The following SLC8B1 variants were observed in gnomAD, a reference collection of about 807,000 sequenced individuals.
SLC8B1 encodes the protein solute carrier family 8 member B1.
In SLC8B1, 52 loss-of-function variants were observed where a neutral mutation model predicts 63.4. That is an observed-to-expected ratio of 0.82 (90% CI 0.66 to 1.03). SLC8B1 has a LOEUF of 1.03. Ranked by LOEUF, SLC8B1 falls within the 50% of genes least tolerant of loss-of-function variation. The pLI, the probability that SLC8B1 is intolerant of heterozygous loss-of-function variation, is 0.00. For synonymous variants in SLC8B1, 336 were observed against 323.9 expected (o/e 1.04, Z -0.40); for missense variants, 657 against 741.7 (o/e 0.89, Z 1.33).
intron 15 of SLC8B1, among the ~76,000 whole-genome samples, chr12:113,300,498 T>TAACAACAAC (rs959168970): frequency 6.6e-6 from 1 of 150,890 alleles, no homozygotes; most frequent in African/African-American, 2.4e-5. Context: ...ATAAATAAAA[T>TAACAACAAC]AACAACAACA....
chr12:113,309,796 A>G (rs1956730518), intron 12 of SLC8B1, among the ~76,000 whole-genome samples: 1 of 152,068 alleles, frequency 6.6e-6, no homozygotes, highest in Non-Finnish European at 1.5e-5. Flanking sequence ...CTATTTATAT[A>G]AAATGTCCAT....
chr12:113,323,603 G>C (rs1049064247), intron 2 of SLC8B1, among the ~76,000 whole-genome samples: 1 of 152,096 alleles, frequency 6.6e-6, no homozygotes, highest in Non-Finnish European at 1.5e-5. Flanking sequence ...CAGCTACTCA[G>C]GAGGCTGAAG....
In SLC8B1 at chr12:113,327,204, G is replaced by A. The variant is rs531694624; in HGVS notation, c.156+5519C>T. Among the ~76,000 whole-genome samples the A allele has an allele frequency of 3.9e-5, 6 of 152,200 alleles. 1 individual carries two copies. The highest frequency in any genetic ancestry group is 7.2e-5 in the African/African-American group (3 of 41,530). ...CTAGATGGGGGCCAGGGAAGCAGGC[G>A]GGCTGCCATTTCCTCCTCTGGGAGG... On this transcript the variant is annotated intron_variant, in intron 2 of 15. Coordinates refer to ENST00000680972, the MANE Select transcript of SLC8B1 (RefSeq NM_001358345.2).
intron 14 of SLC8B1, among the ~76,000 whole-genome samples, chr12:113,304,776 A>AT (rs755485139): frequency 6.6e-6 from 1 of 151,996 alleles, no homozygotes. Context: ...TAATTTTTTA[A>AT]TTTTTCTGTA....
At chr12:113,334,188 T>C (rs1343143637) in intron 1 of SLC8B1, among the ~76,000 whole-genome samples, 1 of 152,170 alleles carries the variant, frequency 6.6e-6, no homozygotes, top group Admixed American at 6.5e-5. Flanking sequence ...CCAAAATGGC[T>C]TCAATATATT....
chr12:113,299,632 A>G lies in SLC8B1; in HGVS notation c.*145T>C, dbSNP rs1002473030. On this transcript the variant is annotated 3_prime_UTR_variant, in exon 16 of 16. Coordinates refer to ENST00000680972, the MANE Select transcript of SLC8B1 (RefSeq NM_001358345.2). ...GTACACAGCAGTTCTCCCAGCTCAC[A>G]GCAGTGACCTCAGATCTCCAGCAGC... The G allele has an allele frequency of 1.9e-5, 14 of 735,100 alleles. No homozygotes were observed. In the Admixed American group the frequency reaches 2.1e-4, roughly 11 times the overall value. The allele number at this position is 735,100 out of a possible 1,614,324, so 45.5% of individuals were successfully genotyped here.
chr12:113,299,673 G>A lies in SLC8B1; in HGVS notation c.*104C>T, dbSNP rs757609391. The A allele has an allele frequency of 1.0e-4, 116 of 1,122,076 alleles. No individual in the cohort carries two copies. The highest frequency in any genetic ancestry group is 1.4e-4 in the Non-Finnish European group (109 of 751,966). 69.5% of individuals were successfully genotyped at this position (1,122,076 alleles called of 1,614,324 possible). A position where few individuals can be genotyped will look rare whatever the true frequency, so the allele number is the denominator to read the frequency against. ...CTCCAGCAGCAAGGGCCGCACTCTC[G>A]TGCCCACAAGGGCCTTGCAGAAATG... On this transcript the variant is annotated 3_prime_UTR_variant, in exon 16 of 16. Transcript: ENST00000680972.
intron 12 of SLC8B1, among the ~76,000 whole-genome samples, chr12:113,309,196 G>A (rs573911962): frequency 9.9e-5 from 14 of 141,606 alleles, no homozygotes; most frequent in Non-Finnish European, 1.8e-4. Flanking sequence ...TTTTTGAAAC[G>A]GAGTCTCTGT....
intron 11 of SLC8B1, among the ~76,000 whole-genome samples, chr12:113,311,565 G>C (rs954266945): frequency 1.3e-5 from 2 of 151,738 alleles, no homozygotes; most frequent in African/African-American, 2.4e-5. Context: ...CGGTTGCAGT[G>C]AACCTAAATT....
chr12:113,316,819 A>G, intron 9 of SLC8B1, 123 bp downstream of exon 9: 1 of 1,473,778 alleles, frequency 6.8e-7, no homozygotes, highest in East Asian at 2.3e-5. Context: ...CCTGAGCTGC[A>G]GTGAGAGGTG....
intron 15 of SLC8B1, among the ~76,000 whole-genome samples, chr12:113,303,067 CACGT>C (rs1566222354): frequency 2.4e-4 from 30 of 125,332 alleles, no homozygotes; most frequent in Admixed American, 1.1e-3. Context: ...CACACACACA[CACGT>C]ACACACACAC....
chr12:113,320,585 C>T lies in SLC8B1; in HGVS notation c.522G>A (p.Leu174=), dbSNP rs150413955. ...PHTAGLALGA[L]FGAGVLVTTV... is the part of the protein sequence containing the mutation. Reference sequence around the variant, plus strand: ...CCTCACTGGGGCTGCTCTCACCAAACAGTGCCCCAAGGGCCAGGCCGGCTG... The same window carrying T: ...CCTCACTGGGGCTGCTCTCACCAAATAGTGCCCCAAGGGCCAGGCCGGCTG... Residue 174 remains leucine (L), a synonymous_variant, in exon 6 of 16, where the codon CTG becomes CTA. Coordinates refer to ENST00000680972, the MANE Select transcript of SLC8B1 (RefSeq NM_001358345.2). The surrounding 1 kb of genome is among the most constrained non-coding windows in gnomAD (Gnocchi z 5.3). 39 of 1,613,974 alleles carry T rather than the reference C, an allele frequency of 2.4e-5. No individual in the cohort carries two copies. Among genetic ancestry groups the T allele is most frequent in the Non-Finnish European group, 2.8e-5 (33 of 1,180,028 alleles).
chr12:113,332,010 C>A (rs760114997), intron 2 of SLC8B1, among the ~76,000 whole-genome samples: 1 of 152,130 alleles, frequency 6.6e-6, no homozygotes, highest in South Asian at 2.1e-4. Flanking sequence ...CCTGCTGTTA[C>A]GGGAACACAC....
chr12:113,304,521 C>T (rs926338289), intron 14 of SLC8B1, 136 bp from the exon 15 acceptor site: 3 of 704,926 alleles, frequency 4.3e-6, no homozygotes, highest in East Asian at 2.9e-5. Flanking sequence ...CGCAGTGGCT[C>T]ATGCCTGTAA....
rs1956908869 is a variant in SLC8B1, at chr12:113,320,512, G to A, written c.527-14C>T. 1.9e-6 allele frequency: 3 copies of A among 1,613,808 alleles called. No homozygotes were observed. The highest frequency in any genetic ancestry group is 2.5e-6 in the Non-Finnish European group (3 of 1,179,996). On this transcript the variant is annotated splice_polypyrimidine_tract_variant and intron_variant, in intron 6 of 15. Coordinates refer to ENST00000680972, the MANE Select transcript of SLC8B1 (RefSeq NM_001358345.2). The surrounding 1 kb of genome is among the most constrained non-coding windows in gnomAD (Gnocchi z 5.3). ...GCACGCCAGCGCCTGGGGGGAGGAG[G>A]CCAGAGCTCAGCCACCCTGCACCCT...
intron 13 of SLC8B1, 39 bp downstream of exon 13, chr12:113,307,652 G>A (rs749548420): frequency 3.8e-6 from 6 of 1,595,784 alleles, no homozygotes; most frequent in African/African-American, 1.3e-5. Context: ...AGATGTGGCC[G>A]CACTCACCCC....
chr12:113,302,257 G>A (rs914036454), intron 15 of SLC8B1: 1 of 166,280 alleles, frequency 6.0e-6, no homozygotes, highest in Admixed American at 5.9e-5. Flanking sequence ...GAGAGAGATG[G>A]CCATGGGAAC....
At chr12:113,329,322 T>G (rs949804415) in intron 2 of SLC8B1, among the ~76,000 whole-genome samples, 7 of 152,184 alleles carry the variant, frequency 4.6e-5, no homozygotes, top group Non-Finnish European at 8.8e-5. Flanking sequence ...AGTTACTCGC[T>G]GAAGCTCCTG....
intron 12 of SLC8B1, chr12:113,308,082 AC>A (rs112368452): frequency 0.2 from 84,706 of 426,214 alleles, 9,835 homozygotes; most frequent in African/African-American, 0.38. Flanking sequence ...ACGGTGGCTC[AC>A]CGCCTGTAAT....
Sources: gnomAD v4.1 joint callset for allele counts (sites outside exome capture counted in the v4.1 genomes callset) on GRCh38, gnomAD v4.1.1 for gene constraint, Gnocchi (gnomAD v3.1) non-coding constraint, MANE v1.5 for transcripts, NCBI Gene and HGNC (gene_info 2026-07-23, HGNC 2026-07-21) for gene names.